Variants in DLGAP2 observed in about 807,000 individuals in gnomAD.
DLGAP2 encodes DLG associated protein 2.
DLGAP2 carries 26 observed loss-of-function variants against 100.3 expected under a neutral mutation model. The observed-to-expected ratio is 0.26, with a 90% CI of 0.19 to 0.36. The LOEUF (loss-of-function observed/expected upper bound fraction) is 0.36, where lower values mean the gene tolerates loss of function less well. Among genes scored for constraint, DLGAP2 ranks in the 10% least tolerant of loss-of-function variants. The pLI is 1.00. For synonymous variants in DLGAP2, 886 were observed against 630.1 expected, an observed-to-expected ratio of 1.41 and a Z score of -6.08; for missense variants, 1,858 against 1,453.2, an observed-to-expected ratio of 1.28 and a Z score of -4.53.
chr8:894,422 A>C (rs954288507), intron 1 of DLGAP2, among the ~76,000 whole-genome samples: 1 of 152,036 alleles, frequency 6.6e-6, no homozygotes, highest in Non-Finnish European at 1.5e-5. Flanking sequence ...TGTGGCATGT[A>C]CACAATGGAA....
intron 12 of DLGAP2, among the ~76,000 whole-genome samples, chr8:1,681,424 G>C (rs1027573801): frequency 6.6e-6 from 1 of 152,004 alleles, no homozygotes; most frequent in African/African-American, 2.4e-5. Flanking sequence ...CTTGTGCCCA[G>C]GAGTTTTAGA....
At chr8:1,429,251 G>A (rs534773320) in intron 3 of DLGAP2, among the ~76,000 whole-genome samples, 1 of 152,148 alleles carries the variant, frequency 6.6e-6, no homozygotes, top group Non-Finnish European at 1.5e-5. Flanking sequence ...TTCAGCTGGT[G>A]GTTTCTGATT....
chr8:1,623,935 A>T (rs979556855), intron 6 of DLGAP2, among the ~76,000 whole-genome samples: 1 of 152,250 alleles, frequency 6.6e-6, no homozygotes, highest in African/African-American at 2.4e-5. Flanking sequence ...TGAAATAAAG[A>T]GAATCATTGA....
At chr8:1,482,473 G>A (rs567691373) in intron 3 of DLGAP2, among the ~76,000 whole-genome samples, 2 of 152,350 alleles carry the variant, frequency 1.3e-5, no homozygotes, top group African/African-American at 4.8e-5. Flanking sequence ...CAGAATGTAT[G>A]GAACGTCTGC....
intron 12 of DLGAP2, among the ~76,000 whole-genome samples, chr8:1,689,037 C>T (rs1045938016): frequency 2.6e-5 from 4 of 152,172 alleles, no homozygotes; most frequent in East Asian, 1.9e-4. Context: ...GTTTCTGGAT[C>T]GTGTGCAATG....
intron 2 of DLGAP2, among the ~76,000 whole-genome samples, chr8:1,146,947 T>A (rs1796619331): frequency 6.6e-6 from 1 of 152,212 alleles, no homozygotes; most frequent in Non-Finnish European, 1.5e-5. Flanking sequence ...AATAAATTTC[T>A]CCTCTTCAGA....
intron 3 of DLGAP2, 113 bp downstream of exon 3, chr8:1,258,996 G>T: frequency 1.1e-6 from 1 of 909,520 alleles, no homozygotes; most frequent in Non-Finnish European, 1.4e-6. Context: ...CATTGAGGAC[G>T]CAGTCTGTGT....
At chr8:906,928 T>C (rs937420755) in intron 1 of DLGAP2, among the ~76,000 whole-genome samples, 2 of 152,184 alleles carry the variant, frequency 1.3e-5, no homozygotes, top group Non-Finnish European at 1.5e-5. Flanking sequence ...GGGAGAGAAT[T>C]GTTCTTTTTT....
rs2130886368 is a variant in DLGAP2, at chr8:1,697,312, A to G, written c.2949+13A>G. ...CCCGGAAAGAAAGGTAAGGGCATCC[A>G]TGCAGGGCCGGCTCCCAGCAAACCC... On this transcript the variant is annotated intron_variant, in intron 14 of 14. Coordinates refer to ENST00000637795, the MANE Select transcript of DLGAP2 (RefSeq NM_001346810.2). 6.3e-7 allele frequency: 1 copy of G among 1,584,826 alleles called. No individual in the cohort carries two copies. The highest frequency in any genetic ancestry group is 1.7e-5 in the Admixed American group (1 of 57,398).
intron 6 of DLGAP2, among the ~76,000 whole-genome samples, chr8:1,589,306 A>T (rs968512412): frequency 6.6e-6 from 1 of 152,244 alleles, no homozygotes; most frequent in Admixed American, 6.5e-5. Context: ...CTTGTATTGC[A>T]GTTACCATAG....
At chr8:1,529,769 C>T (rs187576852) in intron 4 of DLGAP2, among the ~76,000 whole-genome samples, 25 of 152,272 alleles carry the variant, frequency 1.6e-4, no homozygotes, top group Non-Finnish European at 2.8e-4. Context: ...TTTCCTTAAG[C>T]GTTGGCCAGC....
intron 3 of DLGAP2, among the ~76,000 whole-genome samples, chr8:1,489,807 T>G (rs1410552906): frequency 6.6e-6 from 1 of 152,224 alleles, no homozygotes; most frequent in Non-Finnish European, 1.5e-5. Context: ...CAATAACACT[T>G]AGAAGCTTTC....
In DLGAP2 at chr8:1,350,464, C is replaced by G. The variant is rs1253030253; in HGVS notation, c.106+91581C>G. 3.1e-5 allele frequency among the ~76,000 whole-genome samples: 3 copies of G among 97,908 alleles called. 1 individual carries two copies. Among genetic ancestry groups the G allele is most frequent in the African/African-American group, 1.3e-4 (3 of 23,676 alleles). The allele number at this position is 97,908 out of a possible 152,430, so 64.2% of individuals were successfully genotyped here. On this transcript the variant is annotated intron_variant, in intron 3 of 14. Coordinates refer to ENST00000637795, the MANE Select transcript of DLGAP2 (RefSeq NM_001346810.2). ...TGTGCGTGGAAAGGCCGTGCGGGTCCTGACTGTGCGTGGAAAGGCCGCGCG... is the reference window on the plus strand; with the variant it reads ...TGTGCGTGGAAAGGCCGTGCGGGTCGTGACTGTGCGTGGAAAGGCCGCGCG...
intron 2 of DLGAP2, among the ~76,000 whole-genome samples, chr8:966,622 T>A (rs1187062935): frequency 1.3e-5 from 2 of 150,518 alleles, no homozygotes; most frequent in African/African-American, 4.8e-5. Context: ...CACTGCTTTG[T>A]AACCTTCTTT....
chr8:1,679,575 G>T (rs113639277), intron 12 of DLGAP2, among the ~76,000 whole-genome samples: 1 of 152,224 alleles, frequency 6.6e-6, no homozygotes, highest in African/African-American at 2.4e-5. Context: ...GTGTCACCAG[G>T]GCAGATCTGT....
intron 2 of DLGAP2, among the ~76,000 whole-genome samples, chr8:1,157,369 C>T (rs969001004): frequency 6.6e-6 from 1 of 152,128 alleles, no homozygotes; most frequent in Non-Finnish European, 1.5e-5. Context: ...AGTTCGAGTC[C>T]TCTTGAGAAC....
At chr8:1,102,781 A>T (rs7014498) in intron 2 of DLGAP2, among the ~76,000 whole-genome samples, 2 of 151,866 alleles carry the variant, frequency 1.3e-5, no homozygotes, top group African/African-American at 2.4e-5. Flanking sequence ...GGGAGGAGAA[A>T]AAGGGGAAGA....
intron 2 of DLGAP2, among the ~76,000 whole-genome samples, chr8:1,138,145 T>G (rs1167269980): frequency 6.6e-6 from 1 of 152,128 alleles, no homozygotes; most frequent in Non-Finnish European, 1.5e-5. Context: ...GAGAATGGAT[T>G]TGAGGGGAAA....
chr8:1,671,755 TGTCTGGCCCCGGCCACCTGA>T (rs1798696452), intron 10 of DLGAP2, among the ~76,000 whole-genome samples: 3 of 152,232 alleles, frequency 2.0e-5, no homozygotes, highest in South Asian at 4.1e-4. Flanking sequence ...GTTCCTCAGA[TGTCTGGCCCCGGCCACCTGA>T]GTCTGGCCCT....
Sources: allele counts gnomAD v4.1 joint callset (sites outside exome capture counted in the v4.1 genomes callset), GRCh38; gene constraint gnomAD v4.1.1; transcripts MANE v1.5; gene names NCBI Gene and HGNC (gene_info 2026-07-23, HGNC 2026-07-21).